GLP2R: variants seen among roughly 807,000 people sequenced by gnomAD.
The protein encoded by GLP2R is glucagon-like peptide 2 receptor.
GLP2R carries 59 observed loss-of-function variants against 68.2 expected under a neutral mutation model. The observed-to-expected ratio is 0.87, with a 90% CI of 0.70 to 1.07. The LOEUF is 1.07. Ranked by LOEUF, GLP2R falls within the 50% of genes least tolerant of loss-of-function variation. The pLI is 0.00. For missense variants in GLP2R, 548 were observed against 677.4 expected (o/e 0.81, Z 2.12); for synonymous variants, 270 against 265.4 (o/e 1.02, Z -0.17).
intron 9 of GLP2R, among the ~76,000 whole-genome samples, chr17:9,868,007 C>T (rs1307752584): frequency 6.6e-6 from 1 of 152,198 alleles, no homozygotes. Flanking sequence ...TCTCCCTGTA[C>T]TCTGGGTTTT....
intron 10 of GLP2R, among the ~76,000 whole-genome samples, chr17:9,878,092 C>A (rs8077989): frequency 6.6e-6 from 1 of 152,094 alleles, no homozygotes; most frequent in Non-Finnish European, 1.5e-5. Context: ...CCCAGCCCAC[C>A]CAGAGCAAGG....
Position 9,857,413 on chromosome 17 carries a change from C to T in GLP2R, c.612-10C>T. 6.2e-7 allele frequency: 1 copy of T among 1,613,882 alleles called. No individual in the cohort carries two copies. The highest frequency in any genetic ancestry group is 8.5e-7 in the Non-Finnish European group (1 of 1,179,800). On this transcript the variant is annotated splice_polypyrimidine_tract_variant and intron_variant, in intron 5 of 12. Transcript: ENST00000262441. ...CCTGAGGGAAGGCATTTGGTTTTCT[C>T]CTCGCACAGAAAACTCCACTGCACG...
intron 11 of GLP2R, among the ~76,000 whole-genome samples, chr17:9,884,574 C>T (rs1255571507): frequency 6.6e-6 from 1 of 152,130 alleles, no homozygotes; most frequent in Non-Finnish European, 1.5e-5. Flanking sequence ...CAGACAGGGT[C>T]AAGTGCTGAG....
intron 10 of GLP2R, among the ~76,000 whole-genome samples, chr17:9,873,647 C>T (rs1237940696): frequency 2.9e-5 from 4 of 139,062 alleles, no homozygotes; most frequent in South Asian, 2.3e-4. Flanking sequence ...CTTCTTCCAA[C>T]GGGGCTCAGG....
chr17:9,861,253 C>A, intron 8 of GLP2R, 54 bp downstream of exon 8: 1 of 1,146,440 alleles, frequency 8.7e-7, no homozygotes, highest in Admixed American at 1.7e-5. Context: ...CCCAGGCATG[C>A]CTAAATACAA....
chr17:9,860,103 T>C lies in GLP2R; in HGVS notation c.925+2T>C, dbSNP rs141440631. 1 of 1,588,860 alleles carries C rather than the reference T, an allele frequency of 6.3e-7. No individual in the cohort carries two copies. Among genetic ancestry groups the C allele is most frequent in the African/African-American group, 1.3e-5 (1 of 74,312 alleles). On this transcript the variant is annotated splice_donor_variant, in intron 7 of 12. Coordinates refer to ENST00000262441, the MANE Select transcript of GLP2R (RefSeq NM_004246.3). LOFTEE classifies it high-confidence loss of function. ...CCAGATACCTGCTGTTGGGTTGGGGTGAGTGACCTGACCTTCAGCTTCCTT... is the reference window on the plus strand; with the variant it reads ...CCAGATACCTGCTGTTGGGTTGGGGCGAGTGACCTGACCTTCAGCTTCCTT...
Position 9,891,607 on chromosome 17 carries a change from T to C in GLP2R, c.*1902T>C, listed in dbSNP as rs1438908637. ...GGGACTTTTGGGGCCCCCTTAAATT[T>C]TGCACTTGAAATGGGATCCCCACTT... On this transcript the variant is annotated 3_prime_UTR_variant, in exon 13 of 13. Coordinates refer to ENST00000262441, the MANE Select transcript of GLP2R (RefSeq NM_004246.3). 2 of 152,200 alleles carry C rather than the reference T, an allele frequency of 1.3e-5. No homozygotes were observed. Among genetic ancestry groups the C allele is most frequent in the Non-Finnish European group, 2.9e-5 (2 of 68,034 alleles). 9.4% of individuals were successfully genotyped at this position (152,200 alleles called of 1,614,324 possible).
At chr17:9,840,646 A>C (rs752532703) in intron 3 of GLP2R, among the ~76,000 whole-genome samples, 149 of 152,324 alleles carry the variant, frequency 9.8e-4, no homozygotes, top group Non-Finnish European at 1.7e-3. Flanking sequence ...TCTATGTTAA[A>C]CAAGATGGGG....
At chr17:9,830,397 A>T (rs1202160914) in intron 1 of GLP2R, among the ~76,000 whole-genome samples, 1 of 152,222 alleles carries the variant, frequency 6.6e-6, no homozygotes, top group Non-Finnish European at 1.5e-5. Context: ...CTGAATTTGT[A>T]AAAATGATTT....
rs969805754 is a variant in GLP2R, at chr17:9,859,888, G to C, written c.766-54G>C. ...CTGGGAGGCCCTTCTCCCCCGACTC[G>C]GGATCAGATGCAGGGGAGCCTGGAC... On this transcript the variant is annotated intron_variant, in intron 6 of 12. Transcript: ENST00000262441. The C allele has an allele frequency of 5.2e-6, 7 of 1,336,858 alleles. No homozygotes were observed. The South Asian group carries it at 1.3e-4, about 25-fold the overall frequency. 82.8% of individuals were successfully genotyped at this position (1,336,858 alleles called of 1,614,324 possible). A position where few individuals can be genotyped will look rare whatever the true frequency, so the allele number is the denominator to read the frequency against.
At chr17:9,857,399 G>T (rs2293100) in intron 5 of GLP2R, 24 bp from the exon 6 acceptor site, 218,877 of 1,611,320 alleles carry the variant, frequency 0.14, 20,897 homozygotes, top group African/African-American at 0.36. Flanking sequence ...CTGAGGGAAG[G>T]CATTTGGTTT....
Position 9,833,850 on chromosome 17 carries a change from A to C in GLP2R, c.233A>C (p.Gln78Pro), listed in dbSNP as rs764272160. The C allele has an allele frequency of 6.2e-7, 1 of 1,613,660 alleles. No individual in the cohort carries two copies. Among genetic ancestry groups the C allele is most frequent in the Non-Finnish European group, 8.5e-7 (1 of 1,179,562 alleles). The change falls in exon 2 of 13, where the codon CAG becomes CCG. Residue 78 changes from glutamine (Q) to proline (P), a missense_variant. Gln to Pro is a moderately conservative substitution (Grantham distance 76, BLOSUM62 -1). Transcript: ENST00000262441. ...LLEETTRKWA[Q>P]YKQACLRDLL... is the part of the protein sequence containing the mutation. ...GAGGAAACGACTCGGAAGTGGGCTC[A>C]GTACAAACAGGCATGTCTGAGAGAC...
chr17:9,862,052 T>C lies in GLP2R; in HGVS notation c.1018T>C (p.Trp340Arg), dbSNP rs373329217. 64 of 1,613,732 alleles carry C rather than the reference T, an allele frequency of 4.0e-5. No homozygotes were observed. The highest frequency in any genetic ancestry group is 4.9e-5 in the Non-Finnish European group (58 of 1,179,718). Residue 340 changes from tryptophan to arginine, a missense_variant, in exon 9 of 13, where the codon TGG becomes CGG. Transcript: ENST00000262441. ...CWTTNGNKKI[W>R]WIIRGPMMLC... ...GACAACAAATGGGAATAAGAAAATC[T>C]GGTGGATCATCCGAGGACCCATGAT...
At chr17:9,835,501 G>A (rs932965587) in intron 2 of GLP2R, among the ~76,000 whole-genome samples, 1 of 152,154 alleles carries the variant, frequency 6.6e-6, no homozygotes, top group Admixed American at 6.5e-5. Flanking sequence ...CATTGAATTA[G>A]TGCTCAAATG....
chr17:9,857,875 C>A (rs1006640054), intron 6 of GLP2R, among the ~76,000 whole-genome samples: 4 of 152,308 alleles, frequency 2.6e-5, no homozygotes, highest in Non-Finnish European at 5.9e-5. Context: ...TTATAGCTGG[C>A]CCTCTGTATC....
In GLP2R at chr17:9,853,046, G is replaced by C. The variant is rs569591670; in HGVS notation, c.505-1449G>C. ...GGTGGTGTGATTTCAAAGCCCCCATGGAAACCATTGGCTGTACAGACATTT... is the reference window on the plus strand; with the variant it reads ...GGTGGTGTGATTTCAAAGCCCCCATCGAAACCATTGGCTGTACAGACATTT... On this transcript the variant is annotated intron_variant, in intron 4 of 12. Transcript: ENST00000262441. The C allele has an allele frequency of 6.0e-6, 3 of 502,330 alleles. No individual in the cohort carries two copies. In the East Asian group the frequency reaches 1.4e-4, roughly 23 times the overall value. 31.1% of individuals were successfully genotyped at this position (502,330 alleles called of 1,614,324 possible).
At chr17:9,880,596 G>A in intron 11 of GLP2R, 80 bp downstream of exon 11, 9 of 931,050 alleles carry the variant, frequency 9.7e-6, no homozygotes, top group South Asian at 1.9e-5. Flanking sequence ...CAGAATTAAG[G>A]AGCCCGTGGA....
chr17:9,828,206 G>A (rs2066649723), intron 1 of GLP2R, among the ~76,000 whole-genome samples: 1 of 152,132 alleles, frequency 6.6e-6, no homozygotes, highest in Non-Finnish European at 1.5e-5. Context: ...AGGCCCTCAT[G>A]GATTGTAAAT....
intron 4 of GLP2R, among the ~76,000 whole-genome samples, chr17:9,849,257 A>G (rs1337339394): frequency 1.3e-5 from 2 of 152,120 alleles, no homozygotes; most frequent in East Asian, 3.9e-4. Flanking sequence ...ATTTTGCCAC[A>G]TTTGCTTTCT....
Sources: gnomAD v4.1 joint callset for allele counts (sites outside exome capture counted in the v4.1 genomes callset) on GRCh38, gnomAD v4.1.1 for gene constraint, MANE v1.5 for transcripts, NCBI Gene and HGNC (gene_info 2026-07-23, HGNC 2026-07-21) for gene names.